Variants in CASZ1 observed in about 807,000 individuals in gnomAD.
The protein encoded by CASZ1 is castor zinc finger 1, also known as zinc finger protein castor homolog 1.
In CASZ1, 28 loss-of-function variants were observed where a neutral mutation model predicts 135.2. That is an observed-to-expected ratio of 0.21 (90% CI 0.15 to 0.28). The LOEUF is 0.28. Among genes scored for constraint, CASZ1 ranks in the 10% least tolerant of loss-of-function variants. CASZ1 has a pLI of 1.00. For missense variants in CASZ1, 2,161 were observed against 2,453.3 expected, an observed-to-expected ratio of 0.88 and a Z score of 2.52; for synonymous variants, 1,068 against 1,073.4, an observed-to-expected ratio of 0.99 and a Z score of 0.10.
chr1:10,714,840 T>TC, intron 2 of CASZ1, among the ~76,000 whole-genome samples: 1 of 152,218 alleles, frequency 6.6e-6, no homozygotes, highest in Admixed American at 6.5e-5. Flanking sequence ...CTCTGCCCCT[T>TC]CCCTGGCCAG....
rs1159310012 is a variant in CASZ1 at position 10,735,029 on chromosome 1, G to T, written c.-77+25672C>A. Among the ~76,000 whole-genome samples, 1 of 152,188 alleles carries T rather than the reference G, an allele frequency of 6.6e-6. No homozygotes were observed. The highest frequency in any genetic ancestry group is 6.5e-5 in the Admixed American group (1 of 15,286). On this transcript the variant is annotated intron_variant, in intron 2 of 20. Coordinates refer to ENST00000377022, the MANE Select transcript of CASZ1 (RefSeq NM_001079843.3). This position sits in a 1 kb window ranked among gnomAD's most constrained non-coding sequence, Gnocchi z 5.1. The stretch of plus-strand genomic sequence containing the variant: ...CAACTCCCCGCCCCATGACCAACGG[G>T]ACCCTGGGAGGACGCAAGGGAGCTT...
rs949218031 is a variant in CASZ1, at chr1:10,717,215, A to G, written c.-76-11671T>C. On this transcript the variant is annotated intron_variant, in intron 2 of 20. Coordinates refer to ENST00000377022, the MANE Select transcript of CASZ1 (RefSeq NM_001079843.3). The surrounding 1 kb of genome is among the most constrained non-coding windows in gnomAD (Gnocchi z 4.6). ...CAGAAAAATCTACGAACGCCTGCCTATCAGCACTTTCCAAAAAGCCCCTGC... is the reference window on the plus strand; with the variant it reads ...CAGAAAAATCTACGAACGCCTGCCTGTCAGCACTTTCCAAAAAGCCCCTGC... 6.6e-6 allele frequency among the ~76,000 whole-genome samples: 1 copy of G among 152,124 alleles called. No homozygotes were observed. The highest frequency in any genetic ancestry group is 1.5e-5 in the Non-Finnish European group (1 of 68,022).
At chr1:10,722,685 G>A (rs1271108064) in intron 2 of CASZ1, among the ~76,000 whole-genome samples, 1 of 152,250 alleles carries the variant, frequency 6.6e-6, no homozygotes, top group East Asian at 1.9e-4. Context: ...AGGGCTCCAT[G>A]TCTGCCCCCA....
chr1:10,639,110 C>CCTCGTCG lies in CASZ1; in HGVS notation c.5111_5112insCGACGAG (p.Glu1704AspfsTer125). 1 of 1,149,692 alleles carries CCTCGTCG rather than the reference C, an allele frequency of 8.7e-7. No homozygotes were observed. Among genetic ancestry groups the CCTCGTCG allele is most frequent in the Non-Finnish European group, 1.1e-6 (1 of 908,280 alleles). 71.2% of individuals were successfully genotyped at this position (1,149,692 alleles called of 1,614,324 possible). On this transcript the variant is annotated frameshift_variant, in exon 21 of 21. Coordinates refer to ENST00000377022, the MANE Select transcript of CASZ1 (RefSeq NM_001079843.3). LOFTEE classifies it high-confidence loss of function. This position sits in a 1 kb window ranked among gnomAD's most constrained non-coding sequence, Gnocchi z 4.0. ...CGTCGTCGTCGTCCTCGTCGTCGTC[C>CCTCGTCG]TCGTCGTCGTCGTCCTCGTCGTCGT...
intron 2 of CASZ1, among the ~76,000 whole-genome samples, chr1:10,708,971 AGG>A (rs56961164): frequency 0.045 from 1,105 of 24,348 alleles, 83 homozygotes; most frequent in East Asian, 0.44. Context: ...GAGGACGGGG[AGG>A]GGGGGGGCCA....
intron 1 of CASZ1, among the ~76,000 whole-genome samples, chr1:10,764,133 G>A (rs1016414581): frequency 6.6e-6 from 1 of 152,190 alleles, no homozygotes; most frequent in African/African-American, 2.4e-5. Context: ...AAAGTGCTGG[G>A]ATTACAGGTG....
In CASZ1 at chr1:10,656,733, G is replaced by A; in HGVS notation, c.1413C>T (p.Phe471=). Residue 471 remains phenylalanine (F), a synonymous_variant, in exon 8 of 21, where the codon TTC becomes TTT. Transcript: ENST00000377022. ...TGTGGCCACAGTGCTGGCTGCCCGA[G>A]AACCTGGAGGGAGGAGGGGTGGGGT... is the stretch of plus-strand genomic sequence containing the variant. The part of the protein sequence containing the change: ...VNIYQKYIAR[F]SGSQHCGHIH... The A allele has an allele frequency of 6.3e-7, 1 of 1,589,370 alleles. No individual in the cohort carries two copies. Among genetic ancestry groups the A allele is most frequent in the Non-Finnish European group, 8.6e-7 (1 of 1,168,128 alleles).
chr1:10,711,542 T>A lies in CASZ1; in HGVS notation c.-76-5998A>T, dbSNP rs768692624. 1.3e-5 allele frequency among the ~76,000 whole-genome samples: 2 copies of A among 148,590 alleles called. No homozygotes were observed. Among genetic ancestry groups the A allele is most frequent in the Non-Finnish European group, 3.0e-5 (2 of 67,536 alleles). ...AAGAAGCTAGGAGAGATGGTGCAAT[T>A]CCATTCCCAGGCATATACCAGAAAA... is the stretch of plus-strand genomic sequence containing the variant. On this transcript the variant is annotated intron_variant, in intron 2 of 20. Coordinates refer to ENST00000377022, the MANE Select transcript of CASZ1 (RefSeq NM_001079843.3). This position sits in a 1 kb window ranked among gnomAD's most constrained non-coding sequence, Gnocchi z 4.4.
At position 10,642,388 on chromosome 1, in the gene CASZ1, CAGAA is replaced by C. The variant is rs527959065; in HGVS notation, c.4162+467_4162+470del. Reference sequence around the variant, plus strand: ...GAAACCAAAACAAAGAACAAACAAACAGAAAGAACCAAAATGAGAAACCCGATGG... The same window carrying C: ...GAAACCAAAACAAAGAACAAACAAACAGAACCAAAATGAGAAACCCGATGG... On this transcript the variant is annotated intron_variant, in intron 20 of 20. Coordinates refer to ENST00000377022, the MANE Select transcript of CASZ1 (RefSeq NM_001079843.3). 28 of 149,428 alleles carry C rather than the reference CAGAA, an allele frequency of 1.9e-4. No homozygotes were observed. The South Asian group carries it at 3.8e-3, about 20-fold the overall frequency. The allele number at this position is 149,428 out of a possible 1,614,324, so 9.3% of individuals were successfully genotyped here. A position where few individuals can be genotyped will look rare whatever the true frequency, so the allele number is the denominator to read the frequency against.
chr1:10,639,379 T>C lies in CASZ1; in HGVS notation c.4843A>G (p.Ser1615Gly), dbSNP rs1642117851. ...AEGPAPGPPI[S>G]LDGSLSLGAE... The stretch of plus-strand genomic sequence containing the variant: ...CCCAGCGACAGGGAGCCGTCCAGAC[T>C]GATGGGAGGCCCGGGCGCGGGGCCC... Residue 1615 changes from serine (S) to glycine (G), a missense_variant, in exon 21 of 21, where the codon AGT becomes GGT. This residue lies in a region of CASZ1 where 240 missense variants were observed against 321.4 expected (regional missense o/e 0.75). Coordinates refer to ENST00000377022, the MANE Select transcript of CASZ1 (RefSeq NM_001079843.3). This position sits in a 1 kb window ranked among gnomAD's most constrained non-coding sequence, Gnocchi z 4.0. 2 of 1,542,000 alleles carry C rather than the reference T, an allele frequency of 1.3e-6. No individual in the cohort carries two copies. The highest frequency in any genetic ancestry group is 2.5e-5 in the East Asian group (1 of 40,768).
chr1:10,758,079 T>A (rs1461197198), intron 2 of CASZ1, among the ~76,000 whole-genome samples: 1 of 152,196 alleles, frequency 6.6e-6, no homozygotes, highest in Non-Finnish European at 1.5e-5. Flanking sequence ...CCACTTCCTG[T>A]CCTTCAATCT....
intron 2 of CASZ1, among the ~76,000 whole-genome samples, chr1:10,713,494 C>A (rs1261930624): frequency 6.6e-6 from 1 of 152,194 alleles, no homozygotes; most frequent in Non-Finnish European, 1.5e-5. Flanking sequence ...GAGGGGTACC[C>A]TGTTCTTCCG....
At chr1:10,677,536 C>G (rs1638262010) in intron 4 of CASZ1, among the ~76,000 whole-genome samples, 1 of 152,146 alleles carries the variant, frequency 6.6e-6, no homozygotes, top group African/African-American at 2.4e-5. Flanking sequence ...GCACTTAGGT[C>G]CAACGCACCT....
In CASZ1 at chr1:10,639,224, G is replaced by A. The variant is rs1642110012; in HGVS notation, c.4998C>T (p.Ala1666=). 2 of 920,798 alleles carry A rather than the reference G, an allele frequency of 2.2e-6. No homozygotes were observed. Among genetic ancestry groups the A allele is most frequent in the Non-Finnish European group, 2.6e-6 (2 of 770,424 alleles). The allele number at this position is 920,798 out of a possible 1,614,324, so 57.0% of individuals were successfully genotyped here. A position where few individuals can be genotyped will look rare whatever the true frequency, so the allele number is the denominator to read the frequency against. Residue 1666 remains alanine (A), a synonymous_variant, in exon 21 of 21, where the codon GCC becomes GCT. Transcript: ENST00000377022. This position sits in a 1 kb window ranked among gnomAD's most constrained non-coding sequence, Gnocchi z 4.0. ...GCGAGGACTCCCCAGCTGCGGCGGC[G>A]GCGGCGGCGGCGCCCTCGCGCGGCC... ...APGPREGAAA[A]AAAAGESSQE... is the part of the protein sequence containing the mutation.
intron 1 of CASZ1, among the ~76,000 whole-genome samples, chr1:10,783,089 G>A (rs1391688541): frequency 6.6e-6 from 1 of 152,188 alleles, no homozygotes; most frequent in Non-Finnish European, 1.5e-5. Context: ...AGGGCGCTGG[G>A]CAATGTCCGG....
At chr1:10,668,521 C>T (rs972287798) in intron 4 of CASZ1, among the ~76,000 whole-genome samples, 1 of 152,166 alleles carries the variant, frequency 6.6e-6, no homozygotes, top group Non-Finnish European at 1.5e-5. Flanking sequence ...TCCCCAGAGA[C>T]GGGAGAGGCG....
intron 2 of CASZ1, among the ~76,000 whole-genome samples, chr1:10,744,947 C>T (rs929849500): frequency 3.9e-5 from 6 of 152,194 alleles, no homozygotes; most frequent in African/African-American, 9.7e-5. Context: ...TAAGACTCCA[C>T]GGCCACTCCA....
chr1:10,740,784 C>A (rs1288068791), intron 2 of CASZ1, among the ~76,000 whole-genome samples: 4 of 151,706 alleles, frequency 2.6e-5, no homozygotes, highest in Non-Finnish European at 4.4e-5. Flanking sequence ...CCCTGTGTCT[C>A]CACAAAAAAA....
In CASZ1 at chr1:10,721,878, A is replaced by G. The variant is rs1639503817; in HGVS notation, c.-76-16334T>C. ...AGGCGGGCCCATGCCGAGGGGAAGA[A>G]GAGGGGCCAGGGCAGCCTCTTCGGG... is the stretch of plus-strand genomic sequence containing the variant. On this transcript the variant is annotated intron_variant, in intron 2 of 20. Transcript: ENST00000377022. This position sits in a 1 kb window ranked among gnomAD's most constrained non-coding sequence, Gnocchi z 5.4. 6.6e-6 allele frequency among the ~76,000 whole-genome samples: 1 copy of G among 152,244 alleles called. No homozygotes were observed. Among genetic ancestry groups the G allele is most frequent in the Non-Finnish European group, 1.5e-5 (1 of 68,044 alleles).
Sources: gnomAD v4.1 joint callset for allele counts (sites outside exome capture counted in the v4.1 genomes callset) on GRCh38, gnomAD v4.1.1 for gene constraint, gnomAD v4.1.1 regional missense constraint, Gnocchi (gnomAD v3.1) non-coding constraint, MANE v1.5 for transcripts, NCBI Gene and HGNC (gene_info 2026-07-23, HGNC 2026-07-21) for gene names.